Variants in CRAMP1 observed in about 807,000 individuals in gnomAD.
The protein encoded by CRAMP1 is protein cramped-like.
CRAMP1 carries 50 observed loss-of-function variants against 115.4 expected under a neutral mutation model. The observed-to-expected ratio is 0.43, with a 90% CI of 0.35 to 0.55. The LOEUF (loss-of-function observed/expected upper bound fraction) is 0.55. Among genes scored for constraint, CRAMP1 ranks in the 20% least tolerant of loss-of-function variants. The pLI, the probability that CRAMP1 is intolerant of heterozygous loss-of-function variation, is 0.01. For synonymous variants in CRAMP1, 866 were observed against 745.4 expected, an observed-to-expected ratio of 1.16 and a Z score of -2.64; for missense variants, 1,679 against 1,721.7, an observed-to-expected ratio of 0.98 and a Z score of 0.44.
Position 1,656,402 on chromosome 16 carries a change from C to G in CRAMP1, c.1645C>G (p.Pro549Ala). 5 of 1,593,024 alleles carry G rather than the reference C, an allele frequency of 3.1e-6. No individual in the cohort carries two copies. The highest frequency in any genetic ancestry group is 4.3e-6 in the Non-Finnish European group (5 of 1,169,928). The change falls in exon 10 of 21, where the codon CCA becomes GCA. Residue 549 changes from proline (P) to alanine (A), a missense_variant. Physicochemically the swap from Pro to Ala is conservative, Grantham distance 27. Around this residue, in one of 8 missense-constraint regions of CRAMP1, gnomAD observed 405 missense variants for 302.6 expected, o/e 1.34. Transcript: ENST00000397412. The surrounding 1 kb of genome is among the most constrained non-coding windows in gnomAD (Gnocchi z 5.6). The part of the protein sequence containing the change: ...GALPCACGQL[P>A]DLEDELSLLD... ...CTTGCCGTGTGCCTGTGGCCAGCTC[C>G]CAGACCTGGAGGACGAGCTCTCGCT...
Position 1,656,604 on chromosome 16 carries a change from C to T in CRAMP1, c.1847C>T (p.Ser616Phe). The T allele has an allele frequency of 6.4e-7, 1 of 1,572,000 alleles. No individual in the cohort carries two copies. The highest frequency in any genetic ancestry group is 2.4e-5 in the East Asian group (1 of 42,374). The change falls in exon 10 of 21, where the codon TCC becomes TTC. Residue 616 changes from serine to phenylalanine, a missense_variant. This residue lies in a region of CRAMP1 where 405 missense variants were observed against 302.6 expected (regional missense o/e 1.34). Transcript: ENST00000397412. The surrounding 1 kb of genome is among the most constrained non-coding windows in gnomAD (Gnocchi z 5.6). Reference protein sequence around the residue: ...EAADLAPTGPSPRPGPGLLLD... With the variant: ...EAADLAPTGPFPRPGPGLLLD... Reference sequence around the variant, plus strand: ...GCTGACCTTGCTCCCACTGGCCCATCCCCGAGGCCCGGCCCCGGGCTCCTG... The same window carrying T: ...GCTGACCTTGCTCCCACTGGCCCATTCCCGAGGCCCGGCCCCGGGCTCCTG...
chr16:1,660,169 C>G, intron 11 of CRAMP1, 106 bp downstream of exon 11: 1 of 950,314 alleles, frequency 1.1e-6, no homozygotes, highest in Non-Finnish European at 1.5e-6. Context: ...TGAGGCCGGA[C>G]CCCACTGGCC....
chr16:1,653,064 G>A lies in CRAMP1; in HGVS notation c.945G>A (p.Val315=), dbSNP rs1487368336. 4 of 1,611,236 alleles carry A rather than the reference G, an allele frequency of 2.5e-6. No homozygotes were observed. The highest frequency in any genetic ancestry group is 1.3e-5 in the African/African-American group (1 of 74,866). The part of the protein sequence containing the change: ...GLSDEEDQKP[V]RLPLKVPIEL... Reference sequence around the variant, plus strand: ...GTGATGAAGAGGACCAGAAGCCAGTGCGCCTGCCTCTGAAAGTCCCTATAG... The same window carrying A: ...GTGATGAAGAGGACCAGAAGCCAGTACGCCTGCCTCTGAAAGTCCCTATAG... Residue 315 remains valine (V), a synonymous_variant, in exon 8 of 21, where the codon GTG becomes GTA. Transcript: ENST00000397412.
chr16:1,640,459 C>T (rs768701960), intron 5 of CRAMP1, among the ~76,000 whole-genome samples: 18 of 152,096 alleles, frequency 1.2e-4, no homozygotes, highest in South Asian at 2.1e-4. Flanking sequence ...TCAGCCTGGT[C>T]GTTCGTTTGT....
At chr16:1,617,715 C>T (rs1255285450) in intron 2 of CRAMP1, among the ~76,000 whole-genome samples, 1 of 152,196 alleles carries the variant, frequency 6.6e-6, no homozygotes. Flanking sequence ...AAAGGAAAGT[C>T]TGCTTGTTTG....
At chr16:1,631,029 C>T (rs1329761400) in intron 3 of CRAMP1, among the ~76,000 whole-genome samples, 1 of 152,184 alleles carries the variant, frequency 6.6e-6, no homozygotes, top group Non-Finnish European at 1.5e-5. Flanking sequence ...GTGTAAATAC[C>T]GTGTTTCTCA....
intron 3 of CRAMP1, among the ~76,000 whole-genome samples, chr16:1,627,334 C>T (rs149168273): frequency 4.6e-5 from 7 of 152,134 alleles, no homozygotes; most frequent in Admixed American, 6.5e-5. Flanking sequence ...TTAGTTGAGA[C>T]GGAGTTTCAC....
At chr16:1,648,507 C>T (rs1032169842) in intron 6 of CRAMP1, among the ~76,000 whole-genome samples, 4 of 150,304 alleles carry the variant, frequency 2.7e-5, no homozygotes, top group Admixed American at 6.6e-5. Context: ...TGGGAGGCTG[C>T]GGCAGGAGGA....
Position 1,614,688 on chromosome 16 carries a change from A to G in CRAMP1, c.49A>G (p.Lys17Glu). 2 of 1,324,258 alleles carry G rather than the reference A, an allele frequency of 1.5e-6. No homozygotes were observed. Among genetic ancestry groups the G allele is most frequent in the East Asian group, 3.1e-5 (1 of 31,896 alleles). The allele number at this position is 1,324,258 out of a possible 1,614,324, so 82.0% of individuals were successfully genotyped here. A position where few individuals can be genotyped will look rare whatever the true frequency, so the allele number is the denominator to read the frequency against. Residue 17 changes from lysine (K) to glutamate (E), a missense_variant, in exon 2 of 21, where the codon AAG becomes GAG. Coordinates refer to ENST00000397412, the MANE Select transcript of CRAMP1 (RefSeq NM_020825.4). The surrounding 1 kb of genome is among the most constrained non-coding windows in gnomAD (Gnocchi z 4.4). Reference sequence around the variant, plus strand: ...CGGCAGCGGGGAGGACGGGCTCAAGAAGCTGGGCAAGCGGGCGGCCGATGA... The same window carrying G: ...CGGCAGCGGGGAGGACGGGCTCAAGGAGCTGGGCAAGCGGGCGGCCGATGA... ...DGGSGEDGLK[K>E]LGKRAADEES...
chr16:1,628,205 CTG>C (rs1340660046), intron 3 of CRAMP1, among the ~76,000 whole-genome samples: 1 of 152,180 alleles, frequency 6.6e-6, no homozygotes, highest in Non-Finnish European at 1.5e-5. Flanking sequence ...TGTGGGTTCT[CTG>C]TATCTGAGTT....
chr16:1,631,768 C>T (rs8050447), intron 3 of CRAMP1, among the ~76,000 whole-genome samples: 50,322 of 152,104 alleles, frequency 0.33, 11,132 homozygotes, highest in African/African-American at 0.61. Context: ...TTGCTGTCCT[C>T]GTTTGAATAT....
At position 1,626,000 on chromosome 16, in the gene CRAMP1, G is replaced by A. The variant is rs2036505173; in HGVS notation, c.374G>A (p.Gly125Glu). The change falls in exon 3 of 21, where the codon GGA becomes GAA. Residue 125 changes from glycine (G) to glutamate (E), a missense_variant. Around this residue, in one of 8 missense-constraint regions of CRAMP1, gnomAD observed 264 missense variants for 229.7 expected, o/e 1.15. Coordinates refer to ENST00000397412, the MANE Select transcript of CRAMP1 (RefSeq NM_020825.4). ...KGAEGGGSSS[G>E]NVSGVAPAAP... ...GCTGAAGGTGGTGGATCATCGTCTGGAAATGTGTCTGGGGTTGCCCCTGCT... is the reference window on the plus strand; with the variant it reads ...GCTGAAGGTGGTGGATCATCGTCTGAAAATGTGTCTGGGGTTGCCCCTGCT... The A allele has an allele frequency of 6.4e-7, 1 of 1,551,544 alleles. No homozygotes were observed. The highest frequency in any genetic ancestry group is 2.0e-5 in the Admixed American group (1 of 50,990).
rs758113534 is a variant in CRAMP1 at position 1,669,050 on chromosome 16, C to G, written c.3384C>G (p.Ser1128=). ...SPAKLNGSDS[S]KSLPSPSSSP... is the part of the protein sequence containing the mutation. ...CAAAACTGAATGGCAGTGACAGTTC[C>G]AAGAGCCTTCCCTCCCCGTCCAGCA... Residue 1128 remains serine (S), a synonymous_variant, in exon 19 of 21, where the codon TCC becomes TCG. Coordinates refer to ENST00000397412, the MANE Select transcript of CRAMP1 (RefSeq NM_020825.4). The surrounding 1 kb of genome is among the most constrained non-coding windows in gnomAD (Gnocchi z 4.6). The G allele has an allele frequency of 1.2e-6, 2 of 1,613,000 alleles. No homozygotes were observed. Among genetic ancestry groups the G allele is most frequent in the South Asian group, 1.1e-5 (1 of 90,832 alleles).
At chr16:1,662,899 C>T (rs1326620872) in intron 13 of CRAMP1, 64 bp downstream of exon 13, 2 of 1,262,270 alleles carry the variant, frequency 1.6e-6, no homozygotes, top group East Asian at 2.4e-5. Flanking sequence ...CACAGGGCTT[C>T]TTCCCTCTCT....
intron 13 of CRAMP1, among the ~76,000 whole-genome samples, chr16:1,663,894 G>A (rs1212972234): frequency 1.3e-5 from 2 of 152,166 alleles, no homozygotes; most frequent in African/African-American, 4.8e-5. Flanking sequence ...ATTCATTTCT[G>A]TACTATCTAC....
chr16:1,627,889 T>G (rs1227248115), intron 3 of CRAMP1, among the ~76,000 whole-genome samples: 1 of 152,166 alleles, frequency 6.6e-6, no homozygotes, highest in Non-Finnish European at 1.5e-5. Flanking sequence ...CATTGCTGAT[T>G]TTTGCCTGAA....
At position 1,652,985 on chromosome 16, in the gene CRAMP1, C is replaced by A. The variant is rs750939649; in HGVS notation, c.914-48C>A. On this transcript the variant is annotated intron_variant, in intron 7 of 20. Coordinates refer to ENST00000397412, the MANE Select transcript of CRAMP1 (RefSeq NM_020825.4). ...TTCTGGCCCAGCCCTTGGTTTTCTA[C>A]CTTAAGGTTGGGCTGCACTAAACTT... 1.3e-5 allele frequency: 21 copies of A among 1,610,016 alleles called. 1 individual carries two copies. The South Asian group carries it at 2.2e-4, about 17-fold the overall frequency.
At chr16:1,651,504 C>T (rs2036722756) in intron 6 of CRAMP1, among the ~76,000 whole-genome samples, 1 of 148,354 alleles carries the variant, frequency 6.7e-6, no homozygotes, top group South Asian at 2.2e-4. Flanking sequence ...GGATTGAGGT[C>T]ACACACAGGT....
At chr16:1,620,782 G>C (rs1390090829) in intron 2 of CRAMP1, 3 of 442,732 alleles carry the variant, frequency 6.8e-6, no homozygotes, top group Non-Finnish European at 1.4e-5. Flanking sequence ...CCAGCTCTGT[G>C]ACAGGACAGT....
Sources: allele counts gnomAD v4.1 joint callset (sites outside exome capture counted in the v4.1 genomes callset), GRCh38; gene constraint gnomAD v4.1.1; regional missense constraint gnomAD v4.1.1; non-coding constraint Gnocchi (gnomAD v3.1); transcripts MANE v1.5; gene names NCBI Gene and HGNC (gene_info 2026-07-23, HGNC 2026-07-21).